Variants in JAKMIP2 observed in about 807,000 individuals in gnomAD.
JAKMIP2 encodes the protein janus kinase and microtubule interacting protein 2, also known as janus kinase and microtubule-interacting protein 2.
A neutral mutation model predicts 115.0 loss-of-function variants in JAKMIP2; 25 were observed. The observed-to-expected ratio is 0.22, with a 90% CI of 0.16 to 0.30. The LOEUF (loss-of-function observed/expected upper bound fraction) is 0.30, where lower values mean the gene tolerates loss of function less well. Ranked by LOEUF, JAKMIP2 falls within the 10% of genes least tolerant of loss-of-function variation. The pLI is 1.00. For synonymous variants in JAKMIP2, 334 were observed against 343.6 expected (o/e 0.97, Z 0.31); for missense variants, 642 against 957.6 (o/e 0.67, Z 4.35).
chr5:147,632,574 GA>G, intron 13 of JAKMIP2, 105 bp downstream of exon 13: 1 of 744,370 alleles, frequency 1.3e-6, no homozygotes. Flanking sequence ...AGGTCCAAAT[GA>G]GAGTATGAAT....
chr5:147,649,825 T>C (rs1217772512), intron 4 of JAKMIP2, among the ~76,000 whole-genome samples: 1 of 152,144 alleles, frequency 6.6e-6, no homozygotes, highest in African/African-American at 2.4e-5. Context: ...TATTGCGCAC[T>C]TCCGAAAATA....
At chr5:147,721,592 G>T (rs1365643881) in intron 1 of JAKMIP2, among the ~76,000 whole-genome samples, 3 of 152,198 alleles carry the variant, frequency 2.0e-5, no homozygotes, top group Non-Finnish European at 4.4e-5. Flanking sequence ...GCAGTATTCG[G>T]GTGGGAGTGA....
intron 1 of JAKMIP2, among the ~76,000 whole-genome samples, chr5:147,695,650 C>CTG (rs572202242): frequency 0.019 from 2,655 of 142,984 alleles, 38 homozygotes; most frequent in South Asian, 0.074. Context: ...AGTGAAAGGT[C>CTG]TGTGTGTGTG....
intron 1 of JAKMIP2, among the ~76,000 whole-genome samples, chr5:147,764,928 G>GAAAGAAAGAAA (rs1755072665): frequency 1.3e-5 from 1 of 76,660 alleles, no homozygotes; most frequent in Admixed American, 1.5e-4. Context: ...GAAAGAGAGA[G>GAAAGAAAGAAA]AGAGAGAGAG....
chr5:147,628,632 T>C, intron 16 of JAKMIP2, 119 bp downstream of exon 16: 1 of 633,406 alleles, frequency 1.6e-6, no homozygotes, highest in Non-Finnish European at 2.7e-6. Context: ...AAAAATAAAA[T>C]GTGTATTAGG....
chr5:147,718,653 C>G (rs1253342452), intron 1 of JAKMIP2, among the ~76,000 whole-genome samples: 2 of 152,034 alleles, frequency 1.3e-5, no homozygotes, highest in Non-Finnish European at 2.9e-5. Flanking sequence ...TTGTAGTATT[C>G]TCTGATGGTA....
chr5:147,675,709 G>C (rs1263173812), intron 1 of JAKMIP2, among the ~76,000 whole-genome samples: 1 of 150,548 alleles, frequency 6.6e-6, no homozygotes, highest in East Asian at 2.0e-4. Context: ...AGTCTATTTA[G>C]TGTTTTGTCT....
At chr5:147,614,862 T>C (rs911985853) in intron 19 of JAKMIP2, among the ~76,000 whole-genome samples, 1 of 152,190 alleles carries the variant, frequency 6.6e-6, no homozygotes, top group Non-Finnish European at 1.5e-5. Flanking sequence ...ATTCCCATGA[T>C]AGGGACTTAG....
intron 21 of JAKMIP2, among the ~76,000 whole-genome samples, chr5:147,599,068 C>G (rs563610876): frequency 6.6e-6 from 1 of 152,192 alleles, no homozygotes; most frequent in South Asian, 2.1e-4. Flanking sequence ...AACTACTTGG[C>G]AGTACTAGAG....
At chr5:147,749,717 A>T (rs865776621) in intron 1 of JAKMIP2, among the ~76,000 whole-genome samples, 1 of 152,236 alleles carries the variant, frequency 6.6e-6, no homozygotes, top group African/African-American at 2.4e-5. Flanking sequence ...ATTATAAAGA[A>T]TCAAATGGTG....
chr5:147,631,561 T>C, intron 13 of JAKMIP2, 50 bp from the exon 14 acceptor site: 1 of 1,189,882 alleles, frequency 8.4e-7, no homozygotes, highest in Non-Finnish European at 1.2e-6. Flanking sequence ...AACTGATTAA[T>C]TAAACACTAA....
chr5:147,625,624 A>G (rs1388363147), intron 16 of JAKMIP2, among the ~76,000 whole-genome samples: 2 of 152,044 alleles, frequency 1.3e-5, no homozygotes, highest in Admixed American at 1.3e-4. Context: ...GAGTACTGTG[A>G]ACTAAAGTCA....
chr5:147,750,817 C>T (rs1754523491), intron 1 of JAKMIP2, among the ~76,000 whole-genome samples: 1 of 152,094 alleles, frequency 6.6e-6, no homozygotes, highest in Admixed American at 6.5e-5. Context: ...AGAGATCTCT[C>T]TCCTAGTGCA....
At chr5:147,697,984 T>G (rs867376598) in intron 1 of JAKMIP2, among the ~76,000 whole-genome samples, 4 of 152,192 alleles carry the variant, frequency 2.6e-5, no homozygotes, top group African/African-American at 9.7e-5. Context: ...ACCAACAGCT[T>G]GCACTGTGTG....
intron 20 of JAKMIP2, among the ~76,000 whole-genome samples, chr5:147,602,998 T>C (rs896446196): frequency 5.9e-5 from 9 of 152,196 alleles, no homozygotes; most frequent in African/African-American, 2.2e-4. Context: ...GGTAGACTTA[T>C]AGCAGGAGAA....
intron 1 of JAKMIP2, among the ~76,000 whole-genome samples, chr5:147,780,202 C>T (rs754608106): frequency 3.3e-5 from 5 of 152,108 alleles, no homozygotes; most frequent in Non-Finnish European, 7.4e-5. Flanking sequence ...ATATAATTGT[C>T]TTAAATAGTG....
At position 147,642,727 on chromosome 5, in the gene JAKMIP2, C is replaced by T. The variant is rs1036348151; in HGVS notation, c.1225-963G>A. On this transcript the variant is annotated intron_variant, in intron 7 of 21. Transcript: ENST00000616793. ...ATATATGAGACTTTTACAATTTACA[C>T]ATTATTGTGATGGTTAATATTGAGT... Among the ~76,000 whole-genome samples, 6 of 151,734 alleles carry T rather than the reference C, an allele frequency of 4.0e-5. No individual in the cohort carries two copies. The South Asian group carries it at 6.3e-4, about 16-fold the overall frequency.
chr5:147,679,179 G>T (rs1002341863), intron 1 of JAKMIP2, among the ~76,000 whole-genome samples: 6 of 151,866 alleles, frequency 4.0e-5, no homozygotes, highest in African/African-American at 1.5e-4. Context: ...TGGGGTTTCT[G>T]TATGTTGTCC....
rs78492850 is a variant in JAKMIP2, at chr5:147,703,511, A to T, written c.-148-31557T>A. ...TAGTCATCACTGTATATCACTGTAG[A>T]CATTATAAACACTTAGGCTACACTA... On this transcript the variant is annotated intron_variant, in intron 1 of 21. Coordinates refer to ENST00000616793, the MANE Select transcript of JAKMIP2 (RefSeq NM_001270941.2). Among the ~76,000 whole-genome samples the T allele has an allele frequency of 7.6e-3, 1,156 of 152,190 alleles. 13 individuals carry two copies. Among genetic ancestry groups the T allele is most frequent in the African/African-American group, 0.026 (1,088 of 41,506 alleles).
Sources: allele counts gnomAD v4.1 joint callset (sites outside exome capture counted in the v4.1 genomes callset), GRCh38; gene constraint gnomAD v4.1.1; transcripts MANE v1.5; gene names NCBI Gene and HGNC (gene_info 2026-07-23, HGNC 2026-07-21).